DCUN1D3: variants seen among roughly 807,000 people sequenced by gnomAD.
DCUN1D3 encodes defective in cullin neddylation 1 domain containing 3, also known as DCN1-like protein 3.
In DCUN1D3, 6 loss-of-function variants were observed where a neutral mutation model predicts 24.8. The observed-to-expected ratio is 0.24, with a 90% confidence interval of 0.13 to 0.48. The LOEUF is 0.48. Ranked by LOEUF, DCUN1D3 falls within the 20% of genes least tolerant of loss-of-function variation. The pLI is 0.99. For missense variants in DCUN1D3, 258 were observed against 379.4 expected (o/e 0.68, Z 2.66); for synonymous variants, 120 against 144.9 (o/e 0.83, Z 1.24).
intron 1 of DCUN1D3, among the ~76,000 whole-genome samples, chr16:20,891,154 C>T (rs1027983175): frequency 1.3e-5 from 2 of 151,990 alleles, no homozygotes; most frequent in African/African-American, 4.8e-5. Context: ...CCACCATGCC[C>T]GGCTAATTTT....
At chr16:20,874,153 G>A (rs1184916192) in intron 1 of DCUN1D3, among the ~76,000 whole-genome samples, 5 of 152,174 alleles carry the variant, frequency 3.3e-5, no homozygotes, top group Non-Finnish European at 7.4e-5. Context: ...AGAGCAAAGA[G>A]AGAGAAGATC....
chr16:20,884,977 C>CT (rs11365673), intron 1 of DCUN1D3, among the ~76,000 whole-genome samples: 185 of 122,774 alleles, frequency 1.5e-3, no homozygotes, highest in Non-Finnish European at 2.2e-3. Flanking sequence ...CACCATTTTG[C>CT]TTTTTTTTTT....
rs1411353061 is a variant in DCUN1D3 at position 20,858,498 on chromosome 16, A to C, written c.*1388T>G. 6.6e-6 allele frequency: 1 copy of C among 150,606 alleles called. No homozygotes were observed. The highest frequency in any genetic ancestry group is 1.5e-5 in the Non-Finnish European group (1 of 67,684). The allele number at this position is 150,606 out of a possible 1,614,324, so 9.3% of individuals were successfully genotyped here. A position where few individuals can be genotyped will look rare whatever the true frequency, so the allele number is the denominator to read the frequency against. On this transcript the variant is annotated 3_prime_UTR_variant, in exon 3 of 3. Coordinates refer to ENST00000324344, the MANE Select transcript of DCUN1D3 (RefSeq NM_173475.4). ...GGCCAGTATAAGCAGGCAAAGAAACAAAGGAATATAGATACATATATGTGT... is the reference window on the plus strand; with the variant it reads ...GGCCAGTATAAGCAGGCAAAGAAACCAAGGAATATAGATACATATATGTGT...
chr16:20,882,056 C>T (rs1334364433), intron 1 of DCUN1D3, among the ~76,000 whole-genome samples: 1 of 152,086 alleles, frequency 6.6e-6, no homozygotes, highest in Non-Finnish European at 1.5e-5. Flanking sequence ...CCGCCTCAGC[C>T]TCCCAAAGTA....
At chr16:20,870,045 T>C (rs2081780489) in intron 1 of DCUN1D3, among the ~76,000 whole-genome samples, 1 of 152,168 alleles carries the variant, frequency 6.6e-6, no homozygotes, top group Admixed American at 6.5e-5. Context: ...CAGGAAGCCT[T>C]TGGTTCTGGT....
At chr16:20,896,370 T>C (rs1230825809) in intron 1 of DCUN1D3, 1 of 152,126 alleles carries the variant, frequency 6.6e-6, no homozygotes, top group Non-Finnish European at 1.5e-5. Flanking sequence ...TCAGAAGAGT[T>C]TGTCCAAAAG....
At chr16:20,878,966 G>C (rs1353124655) in intron 1 of DCUN1D3, among the ~76,000 whole-genome samples, 1 of 152,154 alleles carries the variant, frequency 6.6e-6, no homozygotes, top group African/African-American at 2.4e-5. Flanking sequence ...CCGCTGGCTG[G>C]CAGACCCACA....
chr16:20,862,306 T>A lies in DCUN1D3; in HGVS notation c.233A>T (p.Glu78Val). The A allele has an allele frequency of 6.2e-7, 1 of 1,614,180 alleles. No homozygotes were observed. The highest frequency in any genetic ancestry group is 8.5e-7 in the Non-Finnish European group (1 of 1,180,034). ...LPTSSGDAGR[E>V]SKSNAEESSL... The stretch of plus-strand genomic sequence containing the variant: ...AGACTCCTCGGCATTGGACTTGGAC[T>A]CCCTCCCAGCATCTCCCGAGGACGT... Residue 78 changes from glutamate (E) to valine (V), a missense_variant, in exon 2 of 3, where the codon GAG becomes GTG. Physicochemically the swap from Glu to Val is moderately radical, Grantham distance 121. Transcript: ENST00000324344.
intron 1 of DCUN1D3, among the ~76,000 whole-genome samples, chr16:20,867,918 C>T (rs2081770425): frequency 6.6e-6 from 1 of 152,226 alleles, no homozygotes; most frequent in East Asian, 1.9e-4. Context: ...TCAGACTCTC[C>T]ACAACACAGG....
At chr16:20,887,358 G>A (rs1250178036) in intron 1 of DCUN1D3, among the ~76,000 whole-genome samples, 1 of 152,106 alleles carries the variant, frequency 6.6e-6, no homozygotes, top group Non-Finnish European at 1.5e-5. Context: ...TATTCATCAT[G>A]TGCCACCAAA....
At chr16:20,894,850 T>C (rs917711691) in intron 1 of DCUN1D3, among the ~76,000 whole-genome samples, 1 of 152,354 alleles carries the variant, frequency 6.6e-6, no homozygotes, top group Admixed American at 6.5e-5. Flanking sequence ...ATGATTTCCC[T>C]ATCTGCCATT....
chr16:20,888,255 C>T (rs2081876045), intron 1 of DCUN1D3, among the ~76,000 whole-genome samples: 1 of 152,188 alleles, frequency 6.6e-6, no homozygotes, highest in Non-Finnish European at 1.5e-5. Flanking sequence ...ATGCCCAGCA[C>T]TGTGCCATGT....
At chr16:20,875,613 A>C (rs1978092) in intron 1 of DCUN1D3, among the ~76,000 whole-genome samples, 27,309 of 152,142 alleles carry the variant, frequency 0.18, 2,669 homozygotes, top group African/African-American at 0.26. Context: ...CTCACACTAT[A>C]TACAAAAATC....
rs573283536 is a variant in DCUN1D3 at position 20,886,014 on chromosome 16, G to A, written c.-106+14190C>T. Among the ~76,000 whole-genome samples the A allele has an allele frequency of 2.7e-4, 40 of 150,864 alleles. 1 individual carries two copies. Among genetic ancestry groups the A allele is most frequent in the African/African-American group, 7.8e-4 (32 of 40,770 alleles). On this transcript the variant is annotated intron_variant, in intron 1 of 2. Transcript: ENST00000324344. ...GAACTGAGGAGCAATCCAGGTAGCC[G>A]GGAAACTGCTAAAGGTGAAAGAGTA...
chr16:20,890,832 G>A (rs2081888960), intron 1 of DCUN1D3, among the ~76,000 whole-genome samples: 1 of 151,422 alleles, frequency 6.6e-6, no homozygotes, highest in Non-Finnish European at 1.5e-5. Flanking sequence ...ATCTACACCT[G>A]TCACCAATTC....
intron 1 of DCUN1D3, among the ~76,000 whole-genome samples, chr16:20,864,257 A>AT (rs1375454265): frequency 6.6e-6 from 1 of 152,214 alleles, no homozygotes; most frequent in Non-Finnish European, 1.5e-5. Flanking sequence ...ACAAAGGTCT[A>AT]ATATCCAGCA....
intron 1 of DCUN1D3, among the ~76,000 whole-genome samples, chr16:20,884,904 G>A (rs1169691918): frequency 2.0e-5 from 3 of 151,556 alleles, no homozygotes; most frequent in Non-Finnish European, 4.4e-5. Context: ...AACAGAGTAA[G>A]ACCCCATCTC....
chr16:20,886,678 G>C (rs2081869421), intron 1 of DCUN1D3, among the ~76,000 whole-genome samples: 1 of 152,180 alleles, frequency 6.6e-6, no homozygotes, highest in Non-Finnish European at 1.5e-5. Context: ...GTAATCTAAT[G>C]TTAACTATTC....
At chr16:20,861,338 G>A (rs564326095) in intron 2 of DCUN1D3, among the ~76,000 whole-genome samples, 11 of 151,128 alleles carry the variant, frequency 7.3e-5, no homozygotes, top group African/African-American at 2.7e-4. Context: ...CCCCTCCCCA[G>A]AGGCACTTAC....
Sources: gnomAD v4.1 joint callset for allele counts (sites outside exome capture counted in the v4.1 genomes callset) on GRCh38, gnomAD v4.1.1 for gene constraint, MANE v1.5 for transcripts, NCBI Gene and HGNC (gene_info 2026-07-23, HGNC 2026-07-21) for gene names.